The following NSDHL variants were observed in gnomAD, a reference collection of about 807,000 sequenced individuals.
NSDHL encodes the protein NAD(P) dependent 3-beta-hydroxysteroid dehydrogenase NSDHL, also known as sterol-4-alpha-carboxylate 3-dehydrogenase, decarboxylating.
In NSDHL, 1 loss-of-function variant was observed where a neutral mutation model predicts 23.0. That is an observed-to-expected ratio of 0.04 (90% confidence interval 0.02 to 0.21). The LOEUF (loss-of-function observed/expected upper bound fraction) is 0.21, where lower values mean the gene tolerates loss of function less well. Among genes scored for constraint, NSDHL ranks in the 10% least tolerant of loss-of-function variants. NSDHL has a pLI of 1.00. For missense variants in NSDHL, 237 were observed against 300.9 expected (o/e 0.79, Z 1.57); for synonymous variants, 128 against 121.1 (o/e 1.06, Z -0.37).
chrX:152,836,841 A>C (rs996699432), intron 1 of NSDHL, among the ~76,000 whole-genome samples: 6 of 112,411 alleles, frequency 5.3e-5, no homozygotes, highest in Middle Eastern at 9.2e-3. Flanking sequence ...TCTGTGAAGA[A>C]AGTCATTGGT....
intron 1 of NSDHL, among the ~76,000 whole-genome samples, chrX:152,832,323 G>T (rs1933026744): frequency 8.9e-6 from 1 of 111,787 alleles, no homozygotes; most frequent in Non-Finnish European, 1.9e-5. Context: ...TTTGCTCTTT[G>T]TTGTCCCTCC....
In NSDHL at chrX:152,869,416, A is replaced by C; in HGVS notation, c.*300A>C. 2.9e-6 allele frequency: 1 copy of C among 342,866 alleles called. No homozygotes were observed. Among genetic ancestry groups the C allele is most frequent in the Admixed American group, 4.5e-5 (1 of 22,072 alleles). The allele number at this position is 342,866 out of a possible 1,213,427, so 28.3% of individuals were successfully genotyped here. The stretch of plus-strand genomic sequence containing the variant: ...CCTTGCCCCCTCTTCTGGTTTATAC[A>C]TTTCATTCCAGTGTCCTTGTACATA... On this transcript the variant is annotated 3_prime_UTR_variant, in exon 8 of 8. Coordinates refer to ENST00000370274, the MANE Select transcript of NSDHL (RefSeq NM_015922.3).
Position 152,869,385 on chromosome X carries a change from C to G in NSDHL, c.*269C>G. Reference sequence around the variant, plus strand: ...TGTCTTTTTGTGTCTCTCTGTTTACCCCCTCCCTTGCCCCCTCTTCTGGTT... The same window carrying G: ...TGTCTTTTTGTGTCTCTCTGTTTACGCCCTCCCTTGCCCCCTCTTCTGGTT... On this transcript the variant is annotated 3_prime_UTR_variant, in exon 8 of 8. Coordinates refer to ENST00000370274, the MANE Select transcript of NSDHL (RefSeq NM_015922.3). 1 of 391,612 alleles carries G rather than the reference C, an allele frequency of 2.6e-6. No homozygotes were observed. Among genetic ancestry groups the G allele is most frequent in the Non-Finnish European group, 4.6e-6 (1 of 219,675 alleles). 32.3% of individuals were successfully genotyped at this position (391,612 alleles called of 1,213,427 possible).
Position 152,850,053 on chromosome X carries a change from C to G in NSDHL, c.109-212C>G, listed in dbSNP as rs782135570. 3.6e-5 allele frequency among the ~76,000 whole-genome samples: 4 copies of G among 112,349 alleles called. No individual in the cohort carries two copies. The East Asian group carries it at 1.1e-3, about 31-fold the overall frequency. ...TCAATCTCAGTGTCATTCGCTATCT[C>G]TCTTCCCTCCTTACTGATCCCAGGA... On this transcript the variant is annotated intron_variant, in intron 2 of 7. Coordinates refer to ENST00000370274, the MANE Select transcript of NSDHL (RefSeq NM_015922.3).
intron 6 of NSDHL, among the ~76,000 whole-genome samples, chrX:152,866,665 G>C (rs145967378): frequency 0.055 from 6,149 of 112,501 alleles, 134 homozygotes; most frequent in South Asian, 0.13. Flanking sequence ...CTGCCTCTGC[G>C]TCCCTTTCAC....
rs781842993 is a variant in NSDHL at position 152,862,710 on chromosome X, A to G, written c.529A>G (p.Ile177Val). ...KPIDYYTETK[I>V]LQERAVLGAN... ...CATTGACTACTACACAGAGACTAAG[A>G]TCTTACAGGAGAGGGTATGTACCTT... The change falls in exon 5 of 8, where the codon ATC (isoleucine) becomes GTC (valine). Residue 177 changes from isoleucine to valine, a missense_variant. Around this residue, in one of 3 missense-constraint regions of NSDHL, gnomAD observed 39 missense variants for 98.1 expected, o/e 0.40. Transcript: ENST00000370274. 21 of 1,207,576 alleles carry G rather than the reference A, an allele frequency of 1.7e-5. No homozygotes were observed. Among genetic ancestry groups the G allele is most frequent in the Non-Finnish European group, 2.2e-5 (20 of 893,062 alleles).
intron 1 of NSDHL, among the ~76,000 whole-genome samples, chrX:152,835,136 C>T (rs1282162758): frequency 3.6e-5 from 4 of 111,167 alleles, no homozygotes; most frequent in Admixed American, 1.9e-4. Context: ...TCACATGAGG[C>T]GGCACACACC....
rs143451320 is a variant in NSDHL, at chrX:152,868,667, G to A, written c.790-117G>A. 937 of 638,167 alleles carry A rather than the reference G, an allele frequency of 1.5e-3. 10 individuals are homozygous for A. The African/African-American group carries it at 0.017, about 12-fold the overall frequency. The allele number at this position is 638,167 out of a possible 1,213,427, so 52.6% of individuals were successfully genotyped here. A position where few individuals can be genotyped will look rare whatever the true frequency, so the allele number is the denominator to read the frequency against. On this transcript the variant is annotated intron_variant, in intron 7 of 7. Transcript: ENST00000370274. Reference sequence around the variant, plus strand: ...AGTTGTGCAATTGAGGGCAGGCCACGTGGAAAGCTGCAGCAATTAGGCAGT... The same window carrying A: ...AGTTGTGCAATTGAGGGCAGGCCACATGGAAAGCTGCAGCAATTAGGCAGT...
chrX:152,837,995 G>A (rs782422358), intron 1 of NSDHL, among the ~76,000 whole-genome samples: 30 of 111,503 alleles, frequency 2.7e-4, no homozygotes, highest in Non-Finnish European at 3.8e-4. Flanking sequence ...GTCTGTTCAG[G>A]GATTCAACTT....
rs782732301 is a variant in NSDHL, at chrX:152,868,985, C to T, written c.991C>T (p.Leu331=). 5.4e-5 allele frequency: 65 copies of T among 1,210,411 alleles called. No individual in the cohort carries two copies. The highest frequency in any genetic ancestry group is 7.3e-5 in the Non-Finnish European group (65 of 895,217). The change falls in exon 8 of 8, where the codon CTG becomes TTG. Residue 331 remains leucine (L), a synonymous_variant. Transcript: ENST00000370274. ...CACCTTCACACCCATGCGGGTCGCA[C>T]TGGCTGGCACATTCCACTACTACAG... ...QPTFTPMRVA[L]AGTFHYYSCE... is the part of the protein sequence containing the mutation.
At chrX:152,867,823 A>G (rs781844357) in intron 7 of NSDHL, 150 bp downstream of exon 7, 5 of 508,902 alleles carry the variant, frequency 9.8e-6, no homozygotes, top group East Asian at 7.4e-5. Flanking sequence ...CCCCTCTGAT[A>G]GAGCATGTGG....
chrX:152,846,192 A>G, intron 1 of NSDHL, 90 bp from the exon 2 acceptor site: 1 of 546,322 alleles, frequency 1.8e-6, no homozygotes, highest in South Asian at 2.4e-5. Flanking sequence ...AAAAACATGA[A>G]CGGGGGGATG....
chrX:152,841,735 C>T (rs1933195444), intron 1 of NSDHL, among the ~76,000 whole-genome samples: 1 of 112,345 alleles, frequency 8.9e-6, no homozygotes, highest in Non-Finnish European at 1.9e-5. Context: ...AAACATTGCT[C>T]TTTGGAGTCT....
In NSDHL at chrX:152,868,802, G is replaced by C. The variant is rs782302046; in HGVS notation, c.808G>C (p.Asp270His). 3.3e-6 allele frequency: 4 copies of C among 1,210,901 alleles called. No homozygotes were observed. The highest frequency in any genetic ancestry group is 5.9e-5 in the East Asian group (2 of 33,838). Residue 270 changes from aspartate (D) to histidine (H), a missense_variant, in exon 8 of 8, where the codon GAT (aspartate) becomes CAT (histidine). Coordinates refer to ENST00000370274, the MANE Select transcript of NSDHL (RefSeq NM_015922.3). ...CCGCCAGGCATTTCACATCACCAAT[G>C]ATGAGCCCATCCCTTTCTGGACATT... ...LGGKAFHITN[D>H]EPIPFWTFLS...
rs782087073 is a variant in NSDHL, at chrX:152,854,844, AC to A, written c.268-3918del. Among the ~76,000 whole-genome samples the A allele has an allele frequency of 9.8e-3, 1,035 of 105,667 alleles. 12 individuals are homozygous for A. Among genetic ancestry groups the A allele is most frequent in the Non-Finnish European group, 0.014 (739 of 51,530 alleles). The allele number at this position is 105,667 out of a possible 115,157, so 91.8% of individuals were successfully genotyped here. ...AGACTAACCTGGACTACATAACAAG[AC>A]CCCCCCCATTTCTTTTTTTTTAAAA... On this transcript the variant is annotated intron_variant, in intron 3 of 7. Coordinates refer to ENST00000370274, the MANE Select transcript of NSDHL (RefSeq NM_015922.3).
At chrX:152,834,210 G>C (rs1556843766) in intron 1 of NSDHL, among the ~76,000 whole-genome samples, 1 of 112,349 alleles carries the variant, frequency 8.9e-6, no homozygotes, top group African/African-American at 3.2e-5. Flanking sequence ...TTTCACAGAG[G>C]GGGCAGTTCA....
chrX:152,854,354 G>A (rs1569473880), intron 3 of NSDHL, among the ~76,000 whole-genome samples: 1 of 112,029 alleles, frequency 8.9e-6, no homozygotes, highest in Non-Finnish European at 1.9e-5. Flanking sequence ...GTCCAAGGTC[G>A]ATGTGATGTG....
chrX:152,865,458 C>T (rs1354151229), intron 5 of NSDHL, among the ~76,000 whole-genome samples: 3 of 112,919 alleles, frequency 2.7e-5, no homozygotes, highest in African/African-American at 9.6e-5. Context: ...TTTGCCAGAA[C>T]CTTTGGACGT....
At chrX:152,838,602 T>TGCA (rs1228864435) in intron 1 of NSDHL, among the ~76,000 whole-genome samples, 3 of 112,256 alleles carry the variant, frequency 2.7e-5, no homozygotes, top group Non-Finnish European at 3.8e-5. Flanking sequence ...CATGTAGTTG[T>TGCA]GCAGTTTTTA....
Sources: allele counts gnomAD v4.1 joint callset (sites outside exome capture counted in the v4.1 genomes callset), GRCh38; gene constraint gnomAD v4.1.1; regional missense constraint gnomAD v4.1.1; transcripts MANE v1.5; gene names NCBI Gene and HGNC (gene_info 2026-07-23, HGNC 2026-07-21).